SLC17A1: variants seen among roughly 807,000 people sequenced by gnomAD.
SLC17A1 encodes solute carrier family 17 member 1, also known as sodium-dependent phosphate transport protein 1.
SLC17A1 carries 51 observed loss-of-function variants against 53.5 expected under a neutral mutation model. That is an observed-to-expected ratio of 0.95 (90% CI 0.76 to 1.20). The LOEUF is 1.20. Among genes scored for constraint, SLC17A1 ranks in the 50% most tolerant of loss-of-function variants. The pLI is 0.00. For missense variants in SLC17A1, 538 were observed against 568.2 expected, an observed-to-expected ratio of 0.95 and a Z score of 0.54; for synonymous variants, 179 against 198.8, an observed-to-expected ratio of 0.90 and a Z score of 0.84.
the SLC17A1 span, among the ~76,000 whole-genome samples, chr6:25,773,881 G>A: frequency 6.6e-6 from 1 of 151,886 alleles, no homozygotes; most frequent in African/African-American, 2.4e-5. Flanking sequence ...TGATACATAT[G>A]GTTCTAGTTT....
the SLC17A1 span, among the ~76,000 whole-genome samples, chr6:25,738,101 A>G: frequency 6.6e-6 from 1 of 152,218 alleles, no homozygotes; most frequent in Non-Finnish European, 1.5e-5. Flanking sequence ...TTAAAAGTAC[A>G]AGTAAAAGGA....
rs1395449369 is a variant in SLC17A1, at chr6:25,819,704, C to A, written c.419G>T (p.Arg140Leu). The change falls in exon 4 of 13, where the codon CGA becomes CTA. Residue 140 changes from arginine to leucine, a missense_variant. Arg to Leu is a moderately radical substitution (Grantham distance 102). Coordinates refer to ENST00000244527, the MANE Select transcript of SLC17A1 (RefSeq NM_005074.5). ...TACCTGGGCTGCTCCCTGAACTGCT[C>A]GACATACAACGACCCAAGCTACTCC... ...GIGVAWVVVC[R>L]AVQGAAQGIV... is the part of the protein sequence containing the mutation. The A allele has an allele frequency of 6.2e-7, 1 of 1,614,114 alleles. No homozygotes were observed. Among genetic ancestry groups the A allele is most frequent in the South Asian group, 1.1e-5 (1 of 91,066 alleles).
the SLC17A1 span, among the ~76,000 whole-genome samples, chr6:25,756,152 C>A: frequency 1.3e-5 from 2 of 152,020 alleles, no homozygotes; most frequent in African/African-American, 4.8e-5. Context: ...CCTATAGGAC[C>A]CAAAATGGTC....
At position 25,808,612 on chromosome 6, in the gene SLC17A1, CA is replaced by C. The variant is rs1292521952; in HGVS notation, c.1178+2785del. Among the ~76,000 whole-genome samples, 23 of 151,932 alleles carry C rather than the reference CA, an allele frequency of 1.5e-4. No individual in the cohort carries two copies. The South Asian group carries it at 4.8e-3, about 32-fold the overall frequency. On this transcript the variant is annotated intron_variant, in intron 10 of 12. Transcript: ENST00000244527. Reference sequence around the variant, plus strand: ...GAAAAAAGACATAAATAGACATTTTCAAAAGAAGACATACAAATGGACAATA... The same window carrying C: ...GAAAAAAGACATAAATAGACATTTTCAAAGAAGACATACAAATGGACAATA...
At chr6:25,805,262 T>G (rs1763914811) in intron 10 of SLC17A1, among the ~76,000 whole-genome samples, 1 of 151,972 alleles carries the variant, frequency 6.6e-6, no homozygotes, top group Admixed American at 6.6e-5. Flanking sequence ...ATGAAAACTA[T>G]CCAAATACAT....
downstream of SLC17A1, among the ~76,000 whole-genome samples, chr6:25,782,630 A>G (rs2151470883): frequency 6.6e-6 from 1 of 152,240 alleles, no homozygotes; most frequent in South Asian, 2.1e-4. Flanking sequence ...GATGTTAGAG[A>G]CTGGGTCTGC....
chr6:25,787,325 T>TA (rs1299459474), intron 12 of SLC17A1, among the ~76,000 whole-genome samples: 38 of 142,912 alleles, frequency 2.7e-4, no homozygotes, highest in East Asian at 2.2e-3. Flanking sequence ...CATCTCTACT[T>TA]TAAAAAAAAA....
the SLC17A1 span, chr6:25,732,548 C>A: frequency 1.7e-6 from 1 of 576,414 alleles, no homozygotes; most frequent in Non-Finnish European, 3.0e-6. Context: ...GCAAGGGCAA[C>A]GATGCCGAGA....
the SLC17A1 span, chr6:25,726,807 G>C: frequency 3.6e-6 from 5 of 1,381,204 alleles, no homozygotes; most frequent in Non-Finnish European, 4.9e-6. Flanking sequence ...TTGGAGCTGA[G>C]GTCATTTGGA....
chr6:25,751,085 G>A, the SLC17A1 span, among the ~76,000 whole-genome samples: 2 of 152,182 alleles, frequency 1.3e-5, no homozygotes, highest in Non-Finnish European at 2.9e-5. Context: ...AATTCTGTCT[G>A]CAATTATCTT....
intron 6 of SLC17A1, among the ~76,000 whole-genome samples, chr6:25,818,662 T>G (rs1265586350): frequency 6.6e-6 from 1 of 152,236 alleles, no homozygotes; most frequent in Non-Finnish European, 1.5e-5. Flanking sequence ...TGTTCTAGTT[T>G]GCACAGATTT....
the SLC17A1 span, chr6:25,732,011 C>T: frequency 7.8e-6 from 12 of 1,541,128 alleles, no homozygotes; most frequent in South Asian, 4.6e-5. Flanking sequence ...TTCCAGTGTC[C>T]GCGTGGACCT....
At chr6:25,772,585 ATT>A in the SLC17A1 span, among the ~76,000 whole-genome samples, 1 of 152,214 alleles carries the variant, frequency 6.6e-6, no homozygotes, top group African/African-American at 2.4e-5. Context: ...TAATGTATAT[ATT>A]AGAAAAAATG....
chr6:25,776,070 G>A, the SLC17A1 span, among the ~76,000 whole-genome samples: 1 of 151,844 alleles, frequency 6.6e-6, no homozygotes, highest in Non-Finnish European at 1.5e-5. Context: ...TTTTATATTT[G>A]TTGTCAAATT....
chr6:25,793,529 C>T (rs534682508), intron 12 of SLC17A1, among the ~76,000 whole-genome samples: 2 of 152,166 alleles, frequency 1.3e-5, no homozygotes, highest in East Asian at 1.9e-4. Flanking sequence ...TTTAGTATAT[C>T]GGTGCCTGGA....
At chr6:25,807,075 G>A (rs894029547) in intron 10 of SLC17A1, among the ~76,000 whole-genome samples, 3 of 152,132 alleles carry the variant, frequency 2.0e-5, no homozygotes. Context: ...ATACACTGCT[G>A]ATGGGAATGT....
At chr6:25,726,832 A>G in the SLC17A1 span, 31 of 1,501,278 alleles carry the variant, frequency 2.1e-5, no homozygotes, top group South Asian at 2.7e-4. Context: ...TTTAATACTG[A>G]AGAGCTGTTG....
rs185523139 is a variant in SLC17A1 at position 25,798,937 on chromosome 6, A to G, written c.1270-18T>C. On this transcript the variant is annotated intron_variant, in intron 11 of 12. Coordinates refer to ENST00000244527, the MANE Select transcript of SLC17A1 (RefSeq NM_005074.5). ...TCCGGATCCTAAGGAATTAAAATTC[A>G]AAGTAATTGTAAATTATTGCTCTTG... 4.4e-4 allele frequency: 681 copies of G among 1,531,140 alleles called. 11 individuals are homozygous for G. In the Admixed American group the frequency reaches 0.012, roughly 27 times the overall value. 94.8% of individuals were successfully genotyped at this position (1,531,140 alleles called of 1,614,324 possible).
chr6:25,821,653 C>A (rs1241641820), intron 3 of SLC17A1, among the ~76,000 whole-genome samples: 1 of 152,164 alleles, frequency 6.6e-6, no homozygotes, highest in East Asian at 1.9e-4. Flanking sequence ...CCATCACTCT[C>A]CACAGCAGAA....
Sources: gnomAD v4.1 joint callset for allele counts (sites outside exome capture counted in the v4.1 genomes callset) on GRCh38, gnomAD v4.1.1 for gene constraint, MANE v1.5 for transcripts, NCBI Gene and HGNC (gene_info 2026-07-23, HGNC 2026-07-21) for gene names.